The following PHTF2 variants were observed in gnomAD, a reference collection of about 807,000 sequenced individuals.
The protein encoded by PHTF2 is putative homeodomain transcription factor 2.
PHTF2 carries 60 observed loss-of-function variants against 101.2 expected under a neutral mutation model. That is an observed-to-expected ratio of 0.59 (90% CI 0.48 to 0.73). The LOEUF (loss-of-function observed/expected upper bound fraction) is 0.73. PHTF2 is among the 30% of genes least tolerant of loss of function. The pLI is 0.00. For synonymous variants in PHTF2, 311 were observed against 307.3 expected, an observed-to-expected ratio of 1.01 and a Z score of -0.13; for missense variants, 747 against 908.7, an observed-to-expected ratio of 0.82 and a Z score of 2.29.
chr7:77,876,096 T>A (rs1798923125), intron 3 of PHTF2, among the ~76,000 whole-genome samples: 1 of 152,158 alleles, frequency 6.6e-6, no homozygotes. Flanking sequence ...TCTGCACTCT[T>A]TACTTAACAG....
Position 77,944,681 on chromosome 7 carries a change from A to G in PHTF2, c.1959+1895A>G, listed in dbSNP as rs185844791. Among the ~76,000 whole-genome samples the G allele has an allele frequency of 2.2e-4, 34 of 152,312 alleles. No individual in the cohort carries two copies. The East Asian group carries it at 6.0e-3, about 27-fold the overall frequency. ...GTCTAACATGAAGGAGTCAACAGAT[A>G]AACCCATAGCAGGATTAGATCTCCA... is the stretch of plus-strand genomic sequence containing the variant. On this transcript the variant is annotated intron_variant, in intron 16 of 19. Coordinates refer to ENST00000416283, the Ensembl canonical transcript of PHTF2.
intron 15 of PHTF2, among the ~76,000 whole-genome samples, chr7:77,941,519 T>C (rs1805638329): frequency 6.6e-6 from 1 of 152,232 alleles, no homozygotes; most frequent in South Asian, 2.1e-4. Flanking sequence ...ATGTTAACCA[T>C]GTGCCATTCA....
chr7:77,885,847 G>C (rs1799795864), intron 3 of PHTF2, among the ~76,000 whole-genome samples: 1 of 152,210 alleles, frequency 6.6e-6, no homozygotes. Context: ...GTTCATCTAG[G>C]AATAAATTTG....
chr7:77,860,569 C>A (rs1797555893), intron 3 of PHTF2, among the ~76,000 whole-genome samples: 1 of 152,092 alleles, frequency 6.6e-6, no homozygotes, highest in Non-Finnish European at 1.5e-5. Context: ...TTAAATGACA[C>A]AACATATATA....
rs1456608455 is a variant in PHTF2, at chr7:77,913,973, G to C, written c.776+3564G>C. Among the ~76,000 whole-genome samples the C allele has an allele frequency of 3.3e-5, 5 of 151,544 alleles. No individual in the cohort carries two copies. The South Asian group carries it at 6.3e-4, about 19-fold the overall frequency. ...CCCAGCTACTTGAGAGGCTGAGGCA[G>C]GAGAATCACTTGAACCTGGGTGGCA... On this transcript the variant is annotated intron_variant, in intron 9 of 19. Coordinates refer to ENST00000416283, the Ensembl canonical transcript of PHTF2.
intron 1 of PHTF2, among the ~76,000 whole-genome samples, chr7:77,804,076 A>G (rs983411356): frequency 3.3e-5 from 5 of 152,206 alleles, no homozygotes; most frequent in African/African-American, 1.2e-4. Flanking sequence ...TATTTCTAAA[A>G]TTCTTTGACA....
exon 1 of PHTF2, chr7:77,798,841 A>C (rs751667957): frequency 1.3e-5 from 2 of 152,326 alleles, no homozygotes; most frequent in Non-Finnish European, 2.9e-5. Context: ...GGGTGGGGCA[A>C]CCCTCTGGAG....
intron 1 of PHTF2, among the ~76,000 whole-genome samples, chr7:77,821,474 A>G (rs1192270517): frequency 6.6e-6 from 1 of 151,350 alleles, no homozygotes; most frequent in African/African-American, 2.4e-5. Flanking sequence ...GGATGTATGT[A>G]TCTGCTGTAG....
intron 3 of PHTF2, among the ~76,000 whole-genome samples, chr7:77,861,689 A>G (rs1001739923): frequency 3.9e-5 from 6 of 152,270 alleles, no homozygotes; most frequent in Admixed American, 6.5e-5. Flanking sequence ...TTGGGAGGCC[A>G]AGGTGGGCAG....
At chr7:77,813,388 G>A (rs1251668320) in intron 1 of PHTF2, among the ~76,000 whole-genome samples, 1 of 152,216 alleles carries the variant, frequency 6.6e-6, no homozygotes. Context: ...TATAAGATAA[G>A]CAACTGAGAC....
At chr7:77,817,971 A>C (rs555262670) in intron 1 of PHTF2, among the ~76,000 whole-genome samples, 1 of 151,982 alleles carries the variant, frequency 6.6e-6, no homozygotes, top group East Asian at 1.9e-4. Flanking sequence ...TTAGCCGGGC[A>C]TGGTGGCGGG....
chr7:77,821,775 G>A (rs1175247081), intron 1 of PHTF2, among the ~76,000 whole-genome samples: 1 of 152,164 alleles, frequency 6.6e-6, no homozygotes, highest in Non-Finnish European at 1.5e-5. Context: ...GCTCAGGGGT[G>A]TGGCTCAGGA....
chr7:77,893,736 G>A (rs1800644753), intron 4 of PHTF2, 72 bp downstream of exon 3: 1 of 687,286 alleles, frequency 1.5e-6, no homozygotes, highest in Non-Finnish European at 2.5e-6. Flanking sequence ...TTTCTGTAGT[G>A]TTTTTTAATA....
chr7:77,908,680 A>G, intron 7 of PHTF2, 113 bp from the exon 7 acceptor site: 1 of 645,966 alleles, frequency 1.5e-6, no homozygotes, highest in Non-Finnish European at 2.5e-6. Context: ...TTTTAAACTC[A>G]TTTAAATTTA....
At chr7:77,952,886 T>A (rs990516432) in intron 18 of PHTF2, among the ~76,000 whole-genome samples, 4 of 152,188 alleles carry the variant, frequency 2.6e-5, no homozygotes, top group Admixed American at 6.5e-5. Flanking sequence ...CTTTTAAATA[T>A]CTTCCAATTC....
chr7:77,857,495 G>T (rs1465296946), intron 3 of PHTF2, among the ~76,000 whole-genome samples: 1 of 152,140 alleles, frequency 6.6e-6, no homozygotes, highest in African/African-American at 2.4e-5. Flanking sequence ...AACATGGAAG[G>T]AGTATGTATA....
chr7:77,898,893 G>A (rs186373318), intron 5 of PHTF2, among the ~76,000 whole-genome samples: 16 of 152,196 alleles, frequency 1.1e-4, no homozygotes, highest in African/African-American at 3.6e-4. Flanking sequence ...CCAACCCCTG[G>A]GTTCAAACAG....
At chr7:77,910,955 C>G (rs1459692636) in intron 9 of PHTF2, among the ~76,000 whole-genome samples, 1 of 152,096 alleles carries the variant, frequency 6.6e-6, no homozygotes, top group Non-Finnish European at 1.5e-5. Context: ...TACTATTTTA[C>G]TTGTGTTAAT....
intron 5 of PHTF2, chr7:77,895,134 T>G (rs1416753429): frequency 2.2e-6 from 1 of 455,828 alleles, no homozygotes; most frequent in Non-Finnish European, 4.4e-6. Flanking sequence ...TAGAAATATC[T>G]ATTTGGTACT....
Sources: gnomAD v4.1 joint callset for allele counts (sites outside exome capture counted in the v4.1 genomes callset) on GRCh38, gnomAD v4.1.1 for gene constraint, MANE v1.5 for transcripts, NCBI Gene and HGNC (gene_info 2026-07-23, HGNC 2026-07-21) for gene names.